The following MCMDC2 variants were observed in gnomAD, a reference collection of about 807,000 sequenced individuals.
MCMDC2 encodes the protein minichromosome maintenance domain-containing protein 2.
MCMDC2 carries 54 observed loss-of-function variants against 75.8 expected under a neutral mutation model. The ratio of observed to expected loss-of-function variants is 0.71; its 90% confidence interval spans 0.57 to 0.89. MCMDC2 has a LOEUF of 0.89. MCMDC2 is among the 40% of genes least tolerant of loss of function. The pLI is 0.00. For missense variants in MCMDC2, 656 were observed against 780.4 expected (o/e 0.84, Z 1.90); for synonymous variants, 249 against 274.6 (o/e 0.91, Z 0.92).
intron 14 of MCMDC2, among the ~76,000 whole-genome samples, chr8:66,909,043 A>C (rs1813007822): frequency 6.6e-6 from 1 of 152,220 alleles, no homozygotes; most frequent in Non-Finnish European, 1.5e-5. Flanking sequence ...TAACTGAATC[A>C]TGGGGGCAGT....
chr8:66,871,773 T>C (rs1338171250), intron 1 of MCMDC2, among the ~76,000 whole-genome samples: 1 of 151,944 alleles, frequency 6.6e-6, no homozygotes, highest in East Asian at 1.9e-4. Context: ...TATCTGGATG[T>C]GGTGGCACGT....
At position 66,896,215 on chromosome 8, in the gene MCMDC2, T is replaced by G. The variant is rs762282773; in HGVS notation, c.1325T>G (p.Phe442Cys). ...ACAGTGTACATCCCAGGAAAGAAGTTTGGGGAGGATATTGATCAACAGATG... is the reference window on the plus strand; with the variant it reads ...ACAGTGTACATCCCAGGAAAGAAGTGTGGGGAGGATATTGATCAACAGATG... ...SITVYIPGKK[F>C]GEDIDQQMTF... is the part of the protein sequence containing the mutation. Residue 442 changes from phenylalanine to cysteine, a missense_variant, in exon 11 of 15, where the codon TTT (phenylalanine) becomes TGT (cysteine). Transcript: ENST00000422365. 1.2e-6 allele frequency: 2 copies of G among 1,612,712 alleles called. No individual in the cohort carries two copies. Among genetic ancestry groups the G allele is most frequent in the South Asian group, 2.2e-5 (2 of 90,666 alleles).
downstream of MCMDC2, chr8:66,922,749 G>A (rs1047243105): frequency 8.7e-5 from 23 of 264,636 alleles, no homozygotes; most frequent in Non-Finnish European, 1.5e-4. Flanking sequence ...ATTACATTTC[G>A]AATTCCCATT....
At chr8:66,888,471 T>A (rs2130817826) in intron 9 of MCMDC2, among the ~76,000 whole-genome samples, 1 of 152,336 alleles carries the variant, frequency 6.6e-6, no homozygotes, top group South Asian at 2.1e-4. Flanking sequence ...TGGGCAGAAT[T>A]AACATCTTAA....
intron 14 of MCMDC2, among the ~76,000 whole-genome samples, chr8:66,910,343 A>G (rs1297262863): frequency 6.6e-6 from 1 of 152,210 alleles, no homozygotes; most frequent in African/African-American, 2.4e-5. Context: ...AGCTTGCACC[A>G]TCACCTGGAA....
At position 66,901,336 on chromosome 8, in the gene MCMDC2, C is replaced by T. The variant is rs1327275593; in HGVS notation, c.1757C>T (p.Ala586Val). The T allele has an allele frequency of 6.2e-7, 1 of 1,609,272 alleles. No homozygotes were observed. The highest frequency in any genetic ancestry group is 1.3e-5 in the African/African-American group (1 of 74,734). The change falls in exon 13 of 15, where the codon GCA becomes GTA. Residue 586 changes from alanine to valine, a missense_variant. Coordinates refer to ENST00000422365, the MANE Select transcript of MCMDC2 (RefSeq NM_173518.5). ...TGTGGATCAAAGCTGTCAGCATCTG[C>T]ATTAAAATATCTGTAGGTATTCAAT... ...SVCGSKLSAS[A>V]LKYLVFLSEA...
Position 66,899,343 on chromosome 8 carries a change from C to G in MCMDC2, c.1627-1863C>G, listed in dbSNP as rs184802779. On this transcript the variant is annotated intron_variant, in intron 12 of 14. Transcript: ENST00000422365. ...CTGAAGGAGGATATTGGTGGCTCAT[C>G]ATCATGCCATCTTAGAGAGAACTTA... Among the ~76,000 whole-genome samples the G allele has an allele frequency of 2.3e-4, 35 of 152,298 alleles. No homozygotes were observed. In the East Asian group the frequency reaches 4.0e-3, roughly 18 times the overall value.
At chr8:66,875,546 T>C (rs959102990) in intron 4 of MCMDC2, among the ~76,000 whole-genome samples, 1 of 152,216 alleles carries the variant, frequency 6.6e-6, no homozygotes, top group East Asian at 1.9e-4. Context: ...CCCAAAGTGC[T>C]GGGATTACAG....
intron 14 of MCMDC2, among the ~76,000 whole-genome samples, chr8:66,915,805 T>A (rs1813293008): frequency 6.6e-6 from 1 of 152,106 alleles, no homozygotes; most frequent in Admixed American, 6.6e-5. Context: ...CCTTGAAGAT[T>A]CCAATATTTA....
chr8:66,925,033 T>C (rs1166083435), downstream of MCMDC2, among the ~76,000 whole-genome samples: 1 of 152,150 alleles, frequency 6.6e-6, no homozygotes, highest in Non-Finnish European at 1.5e-5. Flanking sequence ...ACAAGCTGCC[T>C]AAGAGCCTGA....
intron 8 of MCMDC2, among the ~76,000 whole-genome samples, 161 bp downstream of exon 8, chr8:66,881,135 A>G (rs1011512318): frequency 6.6e-6 from 1 of 152,238 alleles, no homozygotes; most frequent in Admixed American, 6.5e-5. Flanking sequence ...GTCACATGGC[A>G]GACAGTCAAT....
rs767718539 is a variant in MCMDC2 at position 66,890,858 on chromosome 8, T to C, written c.1074-7T>C. The C allele has an allele frequency of 7.5e-6, 12 of 1,592,792 alleles. No homozygotes were observed. Among genetic ancestry groups the C allele is most frequent in the South Asian group, 7.0e-5 (6 of 86,246 alleles). On this transcript the variant is annotated splice_polypyrimidine_tract_variant and splice_region_variant and intron_variant, in intron 9 of 14. Transcript: ENST00000422365. ...ATAGTAATGAAAAGTTTATTTTTTT[T>C]CCCTAGGCTTCTGAATTTTAGCATA... is the stretch of plus-strand genomic sequence containing the variant.
At chr8:66,915,465 T>TTTTATATA (rs1179095299) in intron 14 of MCMDC2, among the ~76,000 whole-genome samples, 1 of 145,988 alleles carries the variant, frequency 6.8e-6, no homozygotes, top group African/African-American at 2.5e-5. Context: ...AAAAAAAAAG[T>TTTTATATA]TTTATATATT....
intron 14 of MCMDC2, among the ~76,000 whole-genome samples, chr8:66,908,924 T>A (rs1563388916): frequency 6.6e-6 from 1 of 152,156 alleles, no homozygotes; most frequent in Non-Finnish European, 1.5e-5. Flanking sequence ...TATGGCTGAA[T>A]ATATTTACTT....
At chr8:66,913,771 C>A (rs547557290) in intron 14 of MCMDC2, among the ~76,000 whole-genome samples, 1 of 151,532 alleles carries the variant, frequency 6.6e-6, no homozygotes, top group East Asian at 1.9e-4. Context: ...TTGAGACCAG[C>A]CTGGACAAAT....
rs190311921 is a variant in MCMDC2, at chr8:66,889,315, T to G, written c.1074-1550T>G. 4.5e-3 allele frequency among the ~76,000 whole-genome samples: 682 copies of G among 152,286 alleles called. 5 individuals are homozygous for G. The highest frequency in any genetic ancestry group is 6.2e-3 in the Non-Finnish European group (420 of 68,010). On this transcript the variant is annotated intron_variant, in intron 9 of 14. Coordinates refer to ENST00000422365, the MANE Select transcript of MCMDC2 (RefSeq NM_173518.5). ...AGACTGAGGCAATTAGCAAAGAGGT[T>G]AGAAACCAAAATGACATATCAGCAA...
chr8:66,922,683 A>T (rs1439159721), downstream of MCMDC2: 3 of 340,440 alleles, frequency 8.8e-6, no homozygotes, highest in Non-Finnish European at 1.8e-5. Context: ...AACATCTGTT[A>T]TGATGACTTT....
intron 9 of MCMDC2, among the ~76,000 whole-genome samples, chr8:66,885,008 C>T (rs1357888947): frequency 6.6e-6 from 1 of 152,042 alleles, no homozygotes; most frequent in African/African-American, 2.4e-5. Flanking sequence ...TGGGCTCAAG[C>T]GATCCTCTCA....
intron 1 of MCMDC2, among the ~76,000 whole-genome samples, chr8:66,871,915 TCTGACTATAATA>T (rs1245874395): frequency 1.4e-5 from 2 of 145,016 alleles, no homozygotes; most frequent in African/African-American, 5.4e-5. Context: ...AAAAAAAAAA[TCTGACTATAATA>T]CTAACCCCCT....
Sources: gnomAD v4.1 joint callset for allele counts (sites outside exome capture counted in the v4.1 genomes callset) on GRCh38, gnomAD v4.1.1 for gene constraint, MANE v1.5 for transcripts, NCBI Gene and HGNC (gene_info 2026-07-23, HGNC 2026-07-21) for gene names.